The following EFCAB8 variants were observed in gnomAD, a reference collection of about 807,000 sequenced individuals.
EFCAB8 encodes the protein EF-hand calcium binding domain 8.
In EFCAB8, 100 loss-of-function variants were observed where a neutral mutation model predicts 116.3. That is an observed-to-expected ratio of 0.86 (90% CI 0.73 to 1.02). EFCAB8 has a LOEUF of 1.02. Among genes scored for constraint, EFCAB8 ranks in the 50% least tolerant of loss-of-function variants. The pLI is 0.00. For synonymous variants in EFCAB8, 558 were observed against 567.9 expected, an observed-to-expected ratio of 0.98 and a Z score of 0.25; for missense variants, 1,320 against 1,416.9, an observed-to-expected ratio of 0.93 and a Z score of 1.10.
Position 32,930,419 on chromosome 20 carries a change from C to A in EFCAB8, c.2434C>A (p.Pro812Thr), listed in dbSNP as rs759319766. The change falls in exon 21 of 27, where the codon CCT (proline) becomes ACT (threonine). Residue 812 changes from proline to threonine, a missense_variant. Transcript: ENST00000400522. Reference sequence around the variant, plus strand: ...TCAGATAATCTTCCTGCAGACCAGGCCTCGCCTGCCGCACACGGCTGCCCT... The same window carrying A: ...TCAGATAATCTTCCTGCAGACCAGGACTCGCCTGCCGCACACGGCTGCCCT... Reference protein sequence around the residue: ...VEKIIFLQTRPRLPHTAALLS... With the variant: ...VEKIIFLQTRTRLPHTAALLS... 2.6e-6 allele frequency: 4 copies of A among 1,551,102 alleles called. 1 individual carries two copies. The South Asian group carries it at 3.6e-5, about 14-fold the overall frequency.
At chr20:32,953,275 T>C (rs1988853929) in intron 23 of EFCAB8, among the ~76,000 whole-genome samples, 1 of 152,238 alleles carries the variant, frequency 6.6e-6, no homozygotes, top group South Asian at 2.1e-4. Context: ...ATTGTGCTTC[T>C]GTGAACATGG....
At chr20:32,902,238 G>C (rs1986461874) in intron 11 of EFCAB8, among the ~76,000 whole-genome samples, 1 of 152,152 alleles carries the variant, frequency 6.6e-6, no homozygotes, top group African/African-American at 2.4e-5. Context: ...CCATGGGCAG[G>C]GGTGGTGGTG....
At chr20:32,877,300 C>A (rs967995639) in intron 4 of EFCAB8, among the ~76,000 whole-genome samples, 3 of 147,500 alleles carry the variant, frequency 2.0e-5, no homozygotes, top group South Asian at 4.2e-4. Flanking sequence ...CCTCTGCCTC[C>A]CAGGTTCAAG....
At chr20:32,960,033 A>G in intron 25 of EFCAB8, 30 bp from the exon 26 acceptor site, 1 of 1,551,626 alleles carries the variant, frequency 6.4e-7, no homozygotes, top group Non-Finnish European at 8.7e-7. Flanking sequence ...CCCAACTCGC[A>G]GCCTTCATTC....
At chr20:32,896,659 G>A (rs6120021) in intron 10 of EFCAB8, 132 bp downstream of exon 10, 1 of 625,832 alleles carries the variant, frequency 1.6e-6, no homozygotes, top group Non-Finnish European at 2.9e-6. Context: ...TCTGGAAACA[G>A]GTTGCGGCAG....
At chr20:32,893,434 C>T in intron 9 of EFCAB8, 136 bp downstream of exon 9, 1 of 1,308,246 alleles carries the variant, frequency 7.6e-7, no homozygotes, top group South Asian at 1.5e-5. Context: ...CTTCCAAGCG[C>T]AGGGTGCATG....
chr20:32,885,459 G>T, intron 5 of EFCAB8, 46 bp from the exon 6 acceptor site: 1 of 1,548,706 alleles, frequency 6.5e-7, no homozygotes, highest in South Asian at 1.2e-5. Context: ...CCCCCTCCCT[G>T]AGCTGTTTTT....
chr20:32,934,634 C>G (rs1259362725), intron 22 of EFCAB8, among the ~76,000 whole-genome samples: 1 of 152,116 alleles, frequency 6.6e-6, no homozygotes, highest in Non-Finnish European at 1.5e-5. Flanking sequence ...GTGGGAGGGA[C>G]CTGGTGGGAG....
chr20:32,885,659 C>T lies in EFCAB8; in HGVS notation c.567+19C>T. 4.5e-6 allele frequency: 7 copies of T among 1,551,594 alleles called. No homozygotes were observed. Among genetic ancestry groups the T allele is most frequent in the Non-Finnish European group, 6.1e-6 (7 of 1,146,898 alleles). On this transcript the variant is annotated intron_variant, in intron 6 of 26. Coordinates refer to ENST00000400522, the MANE Select transcript of EFCAB8 (RefSeq NM_001143967.2). ...CTTTAGGGTGAGTGGGGCCCCTACA[C>T]ATGGTGCACACATGGGTGATTGGAG...
intron 19 of EFCAB8, among the ~76,000 whole-genome samples, 188 bp downstream of exon 19, chr20:32,918,762 A>G (rs959801446): frequency 2.0e-5 from 3 of 152,200 alleles, no homozygotes; most frequent in Admixed American, 2.0e-4. Context: ...CAATGTATCT[A>G]TCCTGGAGCT....
At chr20:32,928,944 C>T (rs564613359) in intron 20 of EFCAB8, among the ~76,000 whole-genome samples, 68 of 149,562 alleles carry the variant, frequency 4.5e-4, no homozygotes, top group Non-Finnish European at 8.6e-4. Context: ...TTAAGATGAT[C>T]GTGTGGGTTT....
At chr20:32,956,000 A>G (rs1201203260) in intron 23 of EFCAB8, among the ~76,000 whole-genome samples, 1 of 152,094 alleles carries the variant, frequency 6.6e-6, no homozygotes, top group Non-Finnish European at 1.5e-5. Context: ...GTTGAAGTCA[A>G]TCATCTTGCT....
chr20:32,955,649 A>C (rs1988943656), intron 23 of EFCAB8, among the ~76,000 whole-genome samples: 1 of 152,182 alleles, frequency 6.6e-6, no homozygotes. Flanking sequence ...AGAAACCCCA[A>C]GAAGGGCTTG....
intron 5 of EFCAB8, among the ~76,000 whole-genome samples, chr20:32,882,155 G>A (rs1168138302): frequency 6.6e-6 from 1 of 151,952 alleles, no homozygotes; most frequent in Non-Finnish European, 1.5e-5. Flanking sequence ...CCGAGATTGC[G>A]CCATTGCTGT....
At chr20:32,929,459 TCCCTC>T (rs759285266) in intron 20 of EFCAB8, among the ~76,000 whole-genome samples, 38 of 139,498 alleles carry the variant, frequency 2.7e-4, no homozygotes, top group Non-Finnish European at 4.6e-4. Context: ...TTTTCTCCCT[TCCCTC>T]CCCTCCCCTC....
At chr20:32,961,099 GGTGCCCCATTCCC>G (rs1568953868) in intron 26 of EFCAB8, 24 bp from the exon 27 acceptor site, 2 of 1,529,226 alleles carry the variant, frequency 1.3e-6, no homozygotes, top group Non-Finnish European at 1.8e-6. Flanking sequence ...GGCTCCAACT[GGTGCCCCATTCCC>G]GCTCCCCACT....
intron 3 of EFCAB8, 80 bp from the exon 4 acceptor site, chr20:32,875,846 G>C: frequency 7.7e-7 from 1 of 1,297,914 alleles, no homozygotes; most frequent in South Asian, 1.3e-5. Flanking sequence ...TCAGCACCCA[G>C]ACACTTGAGA....
chr20:32,867,869 A>G (rs760983195), intron 3 of EFCAB8, 122 bp downstream of exon 3: 188 of 1,144,522 alleles, frequency 1.6e-4, no homozygotes, highest in Non-Finnish European at 2.2e-4. Context: ...GAGACAGGAT[A>G]TTGCTCTGTC....
chr20:32,905,620 C>T (rs1422060500), intron 11 of EFCAB8, among the ~76,000 whole-genome samples: 10 of 151,872 alleles, frequency 6.6e-5, no homozygotes, highest in Non-Finnish European at 4.4e-5. Flanking sequence ...ATTAGCCAGG[C>T]GTGGTGGTGT....
Sources: gnomAD v4.1 joint callset for allele counts (sites outside exome capture counted in the v4.1 genomes callset) on GRCh38, gnomAD v4.1.1 for gene constraint, MANE v1.5 for transcripts, NCBI Gene and HGNC (gene_info 2026-07-23, HGNC 2026-07-21) for gene names.